DIAPH3: variants seen among roughly 807,000 people sequenced by gnomAD.
DIAPH3 encodes protein diaphanous homolog 3.
In DIAPH3, 117 loss-of-function variants were observed where a neutral mutation model predicts 144.3. The observed-to-expected ratio is 0.81, with a 90% CI of 0.70 to 0.95. The LOEUF (loss-of-function observed/expected upper bound fraction) is 0.95, where lower values mean the gene tolerates loss of function less well. Among genes scored for constraint, DIAPH3 ranks in the 40% least tolerant of loss-of-function variants. The pLI, the probability that DIAPH3 is intolerant of heterozygous loss-of-function variation, is 0.00. For missense variants in DIAPH3, 1,421 were observed against 1,412.7 expected (o/e 1.01, Z -0.09); for synonymous variants, 519 against 488.9 (o/e 1.06, Z -0.81).
intron 24 of DIAPH3, among the ~76,000 whole-genome samples, chr13:59,815,781 T>C (rs1408925338): frequency 2.0e-5 from 3 of 152,096 alleles, no homozygotes; most frequent in Non-Finnish European, 4.4e-5. Flanking sequence ...TTATATATGC[T>C]ACTGATAATT....
chr13:60,047,195 CA>C (rs1566709241), intron 4 of DIAPH3, among the ~76,000 whole-genome samples: 1 of 151,294 alleles, frequency 6.6e-6, no homozygotes, highest in African/African-American at 2.4e-5. Context: ...GGACAACCTA[CA>C]AAAATAAACG....
intron 5 of DIAPH3, chr13:60,034,809 T>A (rs1407347716): frequency 6.6e-6 from 1 of 152,196 alleles, no homozygotes; most frequent in African/African-American, 2.4e-5. Flanking sequence ...TATACTTAAG[T>A]ATCAGTAATA....
chr13:60,107,355 C>T (rs1381024991), intron 3 of DIAPH3, among the ~76,000 whole-genome samples: 2 of 151,708 alleles, frequency 1.3e-5, no homozygotes, highest in African/African-American at 4.8e-5. Context: ...AAGATAAAAG[C>T]GGGAATTAGA....
intron 24 of DIAPH3, among the ~76,000 whole-genome samples, chr13:59,814,816 C>T (rs937008678): frequency 2.0e-5 from 3 of 152,290 alleles, no homozygotes; most frequent in African/African-American, 4.8e-5. Context: ...GTGTTACTTG[C>T]CAGACAGAGT....
intron 17 of DIAPH3, among the ~76,000 whole-genome samples, chr13:59,966,336 G>T (rs2050050251): frequency 6.6e-6 from 1 of 152,084 alleles, no homozygotes; most frequent in African/African-American, 2.4e-5. Context: ...CCCTTACCAA[G>T]AATATCTTGG....
intron 1 of DIAPH3, among the ~76,000 whole-genome samples, chr13:60,135,080 T>G (rs761162123): frequency 2.0e-5 from 3 of 152,064 alleles, no homozygotes; most frequent in Non-Finnish European, 4.4e-5. Context: ...AGTTACATGA[T>G]GCAAAATCCA....
chr13:59,748,806 C>A (rs2036833635), intron 27 of DIAPH3, among the ~76,000 whole-genome samples: 1 of 152,128 alleles, frequency 6.6e-6, no homozygotes, highest in Non-Finnish European at 1.5e-5. Flanking sequence ...TAGAGGGGGC[C>A]AGAAGCCACG....
chr13:59,940,067 G>C (rs994616933), intron 17 of DIAPH3, among the ~76,000 whole-genome samples: 5 of 152,010 alleles, frequency 3.3e-5, no homozygotes, highest in African/African-American at 1.2e-4. Flanking sequence ...ATGTTTTCGA[G>C]CCTGCCCCCA....
At chr13:60,037,231 A>C (rs2055294761) in intron 5 of DIAPH3, among the ~76,000 whole-genome samples, 1 of 152,054 alleles carries the variant, frequency 6.6e-6, no homozygotes, top group Non-Finnish European at 1.5e-5. Flanking sequence ...ACTCTCACTA[A>C]GGAATCTTAA....
intron 27 of DIAPH3, among the ~76,000 whole-genome samples, chr13:59,679,812 C>T (rs766535947): frequency 1.3e-4 from 20 of 151,904 alleles, no homozygotes; most frequent in African/African-American, 2.4e-4. Flanking sequence ...TAAGAATTCT[C>T]GGTGGAGACA....
chr13:59,878,048 T>A (rs972833386), intron 21 of DIAPH3, among the ~76,000 whole-genome samples: 1 of 152,134 alleles, frequency 6.6e-6, no homozygotes, highest in South Asian at 2.1e-4. Context: ...AATTAATGGT[T>A]TACATGTGGA....
intron 25 of DIAPH3, among the ~76,000 whole-genome samples, chr13:59,802,278 T>C (rs981000195): frequency 2.2e-4 from 34 of 152,170 alleles, no homozygotes; most frequent in Non-Finnish European, 1.5e-4. Context: ...CCCAGATGCT[T>C]GCTAGCATTT....
At chr13:59,963,566 T>C (rs982541691) in intron 17 of DIAPH3, among the ~76,000 whole-genome samples, 1 of 151,612 alleles carries the variant, frequency 6.6e-6, no homozygotes, top group Non-Finnish European at 1.5e-5. Flanking sequence ...GTTCCAAGGA[T>C]GGTATCAGGT....
intron 9 of DIAPH3, among the ~76,000 whole-genome samples, chr13:59,996,842 T>C (rs2052224885): frequency 6.6e-6 from 1 of 152,048 alleles, no homozygotes; most frequent in Non-Finnish European, 1.5e-5. Flanking sequence ...TGCCACTACA[T>C]CTACATCACT....
intron 1 of DIAPH3, 137 bp downstream of exon 1, chr13:60,163,450 G>A (rs1594813886): frequency 5.7e-6 from 7 of 1,232,874 alleles, no homozygotes; most frequent in Non-Finnish European, 6.7e-6. Flanking sequence ...AGACCCGGTC[G>A]TTGTCAATCT....
In DIAPH3 at chr13:59,742,884, C is replaced by T. The variant is rs199786014; in HGVS notation, c.3319+31305G>A. On this transcript the variant is annotated intron_variant, in intron 27 of 27. Coordinates refer to ENST00000400324, the MANE Select transcript of DIAPH3 (RefSeq NM_001042517.2). ...TAAAGAAATGATAGATTTTGGGGTACGCATTTTCAAAGAGAACACCACATT... is the reference window on the plus strand; with the variant it reads ...TAAAGAAATGATAGATTTTGGGGTATGCATTTTCAAAGAGAACACCACATT... 4.6e-5 allele frequency among the ~76,000 whole-genome samples: 7 copies of T among 152,178 alleles called. No individual in the cohort carries two copies. In the East Asian group the frequency reaches 5.8e-4, roughly 13 times the overall value.
intron 27 of DIAPH3, among the ~76,000 whole-genome samples, chr13:59,741,160 A>C (rs2036421687): frequency 7.6e-6 from 1 of 131,962 alleles, no homozygotes; most frequent in Admixed American, 7.5e-5. Flanking sequence ...TCTGAAAGAA[A>C]ATGAATGAGT....
intron 1 of DIAPH3, among the ~76,000 whole-genome samples, chr13:60,151,281 T>C (rs374281533): frequency 1.3e-5 from 2 of 152,184 alleles, no homozygotes; most frequent in African/African-American, 2.4e-5. Flanking sequence ...CACAACAATC[T>C]ATAAGCAAAC....
chr13:60,115,862 G>T (rs1420517720), intron 2 of DIAPH3, among the ~76,000 whole-genome samples: 1 of 151,984 alleles, frequency 6.6e-6, no homozygotes, highest in African/African-American at 2.4e-5. Context: ...AAAAAAACCT[G>T]TGTGTAAGGG....
Sources: gnomAD v4.1 joint callset for allele counts (sites outside exome capture counted in the v4.1 genomes callset) on GRCh38, gnomAD v4.1.1 for gene constraint, MANE v1.5 for transcripts, NCBI Gene and HGNC (gene_info 2026-07-23, HGNC 2026-07-21) for gene names.